The following ADAMTS19 variants were observed in gnomAD, a reference collection of about 807,000 sequenced individuals.
ADAMTS19 encodes A disintegrin and metalloproteinase with thrombospondin motifs 19.
A neutral mutation model predicts 153.3 loss-of-function variants in ADAMTS19; 93 were observed. That is an observed-to-expected ratio of 0.61 (90% CI 0.51 to 0.72). The LOEUF is 0.72. Ranked by LOEUF, ADAMTS19 falls within the 30% of genes least tolerant of loss-of-function variation. ADAMTS19 has a pLI of 0.00. For synonymous variants in ADAMTS19, 600 were observed against 556.6 expected, an observed-to-expected ratio of 1.08 and a Z score of -1.10; for missense variants, 1,482 against 1,552.1, an observed-to-expected ratio of 0.95 and a Z score of 0.76.
chr5:129,606,449 TC>T (rs1750898953), intron 8 of ADAMTS19, among the ~76,000 whole-genome samples: 1 of 152,226 alleles, frequency 6.6e-6, no homozygotes, highest in African/African-American at 2.4e-5. Context: ...GAAAGCTATC[TC>T]AACTGTCTAT....
chr5:129,561,286 G>A (rs1003070803), intron 7 of ADAMTS19, among the ~76,000 whole-genome samples: 1 of 152,148 alleles, frequency 6.6e-6, no homozygotes, highest in African/African-American at 2.4e-5. Flanking sequence ...CCTGTATGAG[G>A]AAAATGTGGC....
intron 7 of ADAMTS19, among the ~76,000 whole-genome samples, chr5:129,561,037 G>T (rs116523770): frequency 0.012 from 1,754 of 152,046 alleles, 32 homozygotes; most frequent in African/African-American, 0.04. Context: ...AATTAAAATA[G>T]ATAAATTCTA....
At chr5:129,544,209 TG>T (rs1388969189) in intron 6 of ADAMTS19, among the ~76,000 whole-genome samples, 1 of 152,176 alleles carries the variant, frequency 6.6e-6, no homozygotes, top group African/African-American at 2.4e-5. Context: ...ATAACAATAT[TG>T]TAGTAATCAC....
At chr5:129,658,347 A>AAGAAAGAAAGAAAGAGAGAGAGAG (rs1753666231) in intron 14 of ADAMTS19, among the ~76,000 whole-genome samples, 10 of 115,992 alleles carry the variant, frequency 8.6e-5, no homozygotes, top group African/African-American at 3.7e-4. Context: ...GAAAGAAAGA[A>AAGAAAGAAAGAAAGAGAGAGAGAG]AGAAAGAAAG....
chr5:129,497,128 C>A (rs1318158476), intron 2 of ADAMTS19, among the ~76,000 whole-genome samples: 2 of 152,142 alleles, frequency 1.3e-5, no homozygotes, highest in Non-Finnish European at 2.9e-5. Context: ...CGGGCAGGAG[C>A]TTCCTCCGAG....
chr5:129,552,523 T>C (rs552566195), intron 7 of ADAMTS19, among the ~76,000 whole-genome samples: 1 of 151,462 alleles, frequency 6.6e-6, no homozygotes, highest in African/African-American at 2.4e-5. Flanking sequence ...GATACCCCAG[T>C]CTTTATATAT....
chr5:129,709,898 T>A (rs1419310946), intron 21 of ADAMTS19, among the ~76,000 whole-genome samples: 1 of 152,092 alleles, frequency 6.6e-6, no homozygotes, highest in Non-Finnish European at 1.5e-5. Context: ...AATTTGAAGC[T>A]CTCAGTAAAT....
At chr5:129,548,663 A>T (rs988339209) in intron 6 of ADAMTS19, among the ~76,000 whole-genome samples, 1 of 151,960 alleles carries the variant, frequency 6.6e-6, no homozygotes, top group East Asian at 1.9e-4. Flanking sequence ...TGACCCAGCC[A>T]TCCCATTACT....
chr5:129,595,538 G>T (rs1351366746), intron 7 of ADAMTS19, among the ~76,000 whole-genome samples: 2 of 151,916 alleles, frequency 1.3e-5, no homozygotes, highest in African/African-American at 4.8e-5. Flanking sequence ...CTTTAATTAG[G>T]GTAAGCTCTG....
At chr5:129,675,596 C>G (rs30654) in intron 16 of ADAMTS19, among the ~76,000 whole-genome samples, 18,680 of 152,060 alleles carry the variant, frequency 0.12, 1,350 homozygotes, top group East Asian at 0.3. Context: ...TTTATCATTA[C>G]AGTTATTATA....
At chr5:129,613,104 C>A (rs1361220798) in intron 8 of ADAMTS19, among the ~76,000 whole-genome samples, 1 of 152,126 alleles carries the variant, frequency 6.6e-6, no homozygotes, top group Non-Finnish European at 1.5e-5. Flanking sequence ...TTTAACACCC[C>A]ACTGTCAACA....
chr5:129,462,708 G>C (rs1247345044), intron 2 of ADAMTS19, among the ~76,000 whole-genome samples: 1 of 152,060 alleles, frequency 6.6e-6, no homozygotes. Context: ...ACGTTGTTGT[G>C]CAACACCACC....
intron 9 of ADAMTS19, among the ~76,000 whole-genome samples, chr5:129,621,460 A>T (rs1158041547): frequency 6.6e-6 from 1 of 152,192 alleles, no homozygotes; most frequent in Non-Finnish European, 1.5e-5. Flanking sequence ...ACACAGATGA[A>T]CTTTATTCAC....
intron 7 of ADAMTS19, among the ~76,000 whole-genome samples, chr5:129,562,860 G>C (rs1205080980): frequency 1.3e-5 from 2 of 151,976 alleles, no homozygotes; most frequent in Non-Finnish European, 2.9e-5. Context: ...TGGAAACTTA[G>C]TTGCTTCAAC....
Position 129,461,479 on chromosome 5 carries a change from T to G in ADAMTS19, c.469T>G (p.Ser157Ala), listed in dbSNP as rs1349996564. The change falls in exon 2 of 23, where the codon TCC becomes GCC. Residue 157 changes from serine to alanine, a missense_variant. Ser to Ala is a moderately conservative substitution (Grantham distance 99). Transcript: ENST00000274487. This position sits in a 1 kb window ranked among gnomAD's most constrained non-coding sequence, Gnocchi z 4.6. ...QPPPPPQPPPSPPPAQHAEPD... is the reference protein window; with the variant it reads ...QPPPPPQPPPAPPPAQHAEPD... ...GCCGCCTCCCCCGCAGCCGCCCCCGTCCCCGCCCCCGGCCCAGCATGCCGA... is the reference window on the plus strand; with the variant it reads ...GCCGCCTCCCCCGCAGCCGCCCCCGGCCCCGCCCCCGGCCCAGCATGCCGA... The G allele has an allele frequency of 7.4e-6, 11 of 1,477,794 alleles. No individual in the cohort carries two copies. The highest frequency in any genetic ancestry group is 7.2e-5 in the Admixed American group (3 of 41,928). The allele number at this position is 1,477,794 out of a possible 1,614,324, so 91.5% of individuals were successfully genotyped here.
chr5:129,622,679 G>A (rs1751834744), intron 10 of ADAMTS19, among the ~76,000 whole-genome samples: 1 of 151,914 alleles, frequency 6.6e-6, no homozygotes, highest in Non-Finnish European at 1.5e-5. Flanking sequence ...GCAGGAATTG[G>A]TTTCAGTACC....
chr5:129,704,367 G>A lies in ADAMTS19; in HGVS notation c.3288G>A (p.Val1096=). Residue 1096 remains valine, a synonymous_variant, in exon 21 of 23, where the codon GTG becomes GTA. Transcript: ENST00000274487. ...EDCEDYSKCY[V]WRMGDWSKCS... ...GTGAGGATTATTCAAAATGCTATGT[G>A]TGGCGAATGGGTGACTGGTCTAAGG... 6.2e-7 allele frequency: 1 copy of A among 1,614,014 alleles called. No individual in the cohort carries two copies. The highest frequency in any genetic ancestry group is 8.5e-7 in the Non-Finnish European group (1 of 1,179,916).
Position 129,461,310 on chromosome 5 carries a change from C to G in ADAMTS19, c.300C>G (p.Pro100=), listed in dbSNP as rs1749646239. The change falls in exon 2 of 23, where the codon CCC becomes CCG. Residue 100 remains proline, a synonymous_variant. Transcript: ENST00000274487. The surrounding 1 kb of genome is among the most constrained non-coding windows in gnomAD (Gnocchi z 4.6). Reference sequence around the variant, plus strand: ...TGGCTCCGGTGCCTTTGGAGGAGCCCGTGGAGGGCCGATCAGAGTCCCGGC... The same window carrying G: ...TGGCTCCGGTGCCTTTGGAGGAGCCGGTGGAGGGCCGATCAGAGTCCCGGC... The part of the protein sequence containing the change: ...RSVAPVPLEE[P]VEGRSESRLR... 5 of 1,312,916 alleles carry G rather than the reference C, an allele frequency of 3.8e-6. No individual in the cohort carries two copies. The highest frequency in any genetic ancestry group is 1.5e-5 in the African/African-American group (1 of 64,650). 81.3% of individuals were successfully genotyped at this position (1,312,916 alleles called of 1,614,324 possible).
intron 8 of ADAMTS19, 75 bp downstream of exon 8, chr5:129,596,739 A>C: frequency 9.1e-7 from 1 of 1,104,822 alleles, no homozygotes; most frequent in Non-Finnish European, 1.3e-6. Flanking sequence ...TTACCTGGAT[A>C]TCTTCTGATT....
Sources: gnomAD v4.1 joint callset for allele counts (sites outside exome capture counted in the v4.1 genomes callset) on GRCh38, gnomAD v4.1.1 for gene constraint, Gnocchi (gnomAD v3.1) non-coding constraint, MANE v1.5 for transcripts, NCBI Gene and HGNC (gene_info 2026-07-23, HGNC 2026-07-21) for gene names.